Variants in CCDC122 observed in about 807,000 individuals in gnomAD.
The protein encoded by CCDC122 is coiled-coil domain containing 122.
In CCDC122, 38 loss-of-function variants were observed where a neutral mutation model predicts 37.0. The ratio of observed to expected loss-of-function variants is 1.03; its 90% CI spans 0.79 to 1.35. The LOEUF is 1.35. CCDC122 is among the 40% of genes most tolerant of loss of function. The probability of loss-of-function intolerance (pLI) is 0.00; values close to 1 mark genes in which losing one functional copy is unlikely to be tolerated. For missense variants in CCDC122, 305 were observed against 310.0 expected (o/e 0.98, Z 0.12); for synonymous variants, 83 against 95.6 (o/e 0.87, Z 0.77).
chr13:43,859,850 T>C lies in CCDC122; in HGVS notation c.377A>G (p.Asn126Ser), dbSNP rs1280140638. The C allele has an allele frequency of 6.2e-7, 1 of 1,607,634 alleles. No individual in the cohort carries two copies. Among genetic ancestry groups the C allele is most frequent in the East Asian group, 2.2e-5 (1 of 44,610 alleles). Residue 126 changes from asparagine to serine, a missense_variant, in exon 5 of 7, where the codon AAT (asparagine) becomes AGT (serine). By Grantham distance (46) the Asn-to-Ser change is conservative. Transcript: ENST00000444614. The part of the protein sequence containing the change: ...EDFEEHMIKY[N>S]AYYAKIKAHK... Reference sequence around the variant, plus strand: ...TGCTTTTATTTTTGCATAATATGCATTATATTTTATCATGTGTTCCTCAAA... The same window carrying C: ...TGCTTTTATTTTTGCATAATATGCACTATATTTTATCATGTGTTCCTCAAA...
chr13:43,868,872 T>G (rs1594856318), intron 3 of CCDC122, 69 bp from the exon 4 acceptor site: 3 of 663,814 alleles, frequency 4.5e-6, no homozygotes, highest in Non-Finnish European at 4.5e-6. Context: ...AAAGTTATGT[T>G]TCTTTACTCA....
At chr13:43,867,796 T>C (rs1350025769) in intron 4 of CCDC122, among the ~76,000 whole-genome samples, 2 of 152,182 alleles carry the variant, frequency 1.3e-5, no homozygotes, top group Non-Finnish European at 2.9e-5. Flanking sequence ...ATAGATGTAT[T>C]CTTTTCTAGA....
intron 4 of CCDC122, among the ~76,000 whole-genome samples, chr13:43,863,693 G>GTGTGTGTGTGCC (rs2153876775): frequency 6.6e-6 from 1 of 152,074 alleles, no homozygotes; most frequent in African/African-American, 2.4e-5. Flanking sequence ...GTGTGTGTGT[G>GTGTGTGTGTGCC]TGTGTGTGTG....
intron 6 of CCDC122, among the ~76,000 whole-genome samples, chr13:43,853,852 T>C (rs528973547): frequency 6.6e-6 from 1 of 152,162 alleles, no homozygotes; most frequent in South Asian, 2.1e-4. Context: ...ACCACACAAT[T>C]GCATGGAAAT....
chr13:43,859,067 T>G (rs972992990), intron 5 of CCDC122, among the ~76,000 whole-genome samples, 170 bp from the exon 6 acceptor site: 12 of 152,072 alleles, frequency 7.9e-5, no homozygotes, highest in African/African-American at 2.9e-4. Context: ...GAACTGTTAC[T>G]CAAAGAAACC....
At chr13:43,851,527 C>T (rs1285539414) in intron 6 of CCDC122, among the ~76,000 whole-genome samples, 1 of 152,190 alleles carries the variant, frequency 6.6e-6, no homozygotes, top group African/African-American at 2.4e-5. Flanking sequence ...CTCCCCCTAA[C>T]TACACTGTCT....
rs182900224 is a variant in CCDC122, at chr13:43,867,510, T to C, written c.156+1184A>G. 7.2e-3 allele frequency among the ~76,000 whole-genome samples: 1,092 copies of C among 152,268 alleles called. 45 individuals carry two copies. Among genetic ancestry groups the C allele is most frequent in the Admixed American group, 0.062 (955 of 15,286 alleles). On this transcript the variant is annotated intron_variant, in intron 4 of 6. Transcript: ENST00000444614. ...AACTCAACTGAAACATCATTTCTTT[T>C]GTGATCACTCTTTCTCTAGTGTTAA...
intron 2 of CCDC122, among the ~76,000 whole-genome samples, chr13:43,872,740 GA>G (rs1477813486): frequency 6.6e-6 from 1 of 152,056 alleles, no homozygotes; most frequent in Non-Finnish European, 1.5e-5. Flanking sequence ...TCCCTCAACA[GA>G]ATTTCCCCAT....
chr13:43,819,964 G>GTT (rs5803216), downstream of CCDC122, among the ~76,000 whole-genome samples: 20 of 151,754 alleles, frequency 1.3e-4, no homozygotes, highest in African/African-American at 4.1e-4. Flanking sequence ...AAAACCTGAA[G>GTT]TTTTTTTTAT....
chr13:43,838,316 C>G (rs2153869462), intron 6 of CCDC122, among the ~76,000 whole-genome samples: 1 of 152,162 alleles, frequency 6.6e-6, no homozygotes, highest in Non-Finnish European at 1.5e-5. Flanking sequence ...CACTGAAACA[C>G]AGATCATTTG....
downstream of CCDC122, among the ~76,000 whole-genome samples, chr13:43,823,133 A>G (rs187857131): frequency 3.9e-5 from 6 of 152,152 alleles, no homozygotes; most frequent in East Asian, 9.7e-4. Flanking sequence ...TCCAGGGCCT[A>G]AGGACTCCTT....
chr13:43,833,187 T>C (rs1305856830), downstream of CCDC122, among the ~76,000 whole-genome samples: 4 of 152,196 alleles, frequency 2.6e-5, no homozygotes, highest in Admixed American at 6.5e-5. Context: ...AATTTGTCCA[T>C]AGGTTGCACA....
chr13:43,867,929 G>T (rs1209354867), intron 4 of CCDC122, among the ~76,000 whole-genome samples: 2 of 151,954 alleles, frequency 1.3e-5, no homozygotes, highest in Non-Finnish European at 2.9e-5. Context: ...GTCAAATAGG[G>T]CCCTACCAGT....
chr13:43,866,450 A>G (rs1408023269), intron 4 of CCDC122, among the ~76,000 whole-genome samples: 1 of 152,228 alleles, frequency 6.6e-6, no homozygotes. Context: ...TTTTAGAATT[A>G]GCCTATGTAT....
At chr13:43,841,886 T>G (rs891984249) in intron 6 of CCDC122, among the ~76,000 whole-genome samples, 14 of 152,128 alleles carry the variant, frequency 9.2e-5, no homozygotes, top group Admixed American at 5.9e-4. Context: ...ATTTTTTTAT[T>G]TGTACAGACA....
chr13:43,871,987 T>A (rs1340214564), intron 2 of CCDC122, among the ~76,000 whole-genome samples: 1 of 152,124 alleles, frequency 6.6e-6, no homozygotes, highest in Non-Finnish European at 1.5e-5. Context: ...TTTGGAAATT[T>A]CAATATCCAC....
At chr13:43,860,737 A>C (rs1954076417) in intron 4 of CCDC122, among the ~76,000 whole-genome samples, 1 of 151,768 alleles carries the variant, frequency 6.6e-6, no homozygotes, top group African/African-American at 2.4e-5. Context: ...TCCTCTTCTC[A>C]CTCTCTATAT....
downstream of CCDC122, among the ~76,000 whole-genome samples, chr13:43,819,414 TAAC>T (rs1222744528): frequency 2.0e-5 from 3 of 152,216 alleles, no homozygotes; most frequent in Non-Finnish European, 4.4e-5. Context: ...GTACTATTTG[TAAC>T]AACAAAAGAT....
chr13:43,822,561 A>T (rs928689030), downstream of CCDC122, among the ~76,000 whole-genome samples: 1 of 152,236 alleles, frequency 6.6e-6, no homozygotes, highest in Non-Finnish European at 1.5e-5. Flanking sequence ...GGGTCCAAAG[A>T]TGCTGTCTGG....
Sources: allele counts gnomAD v4.1 joint callset (sites outside exome capture counted in the v4.1 genomes callset), GRCh38; gene constraint gnomAD v4.1.1; transcripts MANE v1.5; gene names NCBI Gene and HGNC (gene_info 2026-07-23, HGNC 2026-07-21).